The following ST18 variants were observed in gnomAD, a reference collection of about 807,000 sequenced individuals.
ST18 encodes ST18 C2H2C-type zinc finger transcription factor, also known as suppression of tumorigenicity 18 protein.
In ST18, 50 loss-of-function variants were observed where a neutral mutation model predicts 110.0. The ratio of observed to expected loss-of-function variants is 0.45; its 90% CI spans 0.36 to 0.58. ST18 has a LOEUF of 0.58. Ranked by LOEUF, ST18 falls within the 20% of genes least tolerant of loss-of-function variation. ST18 has a pLI of 0.00. For missense variants in ST18, 1,306 were observed against 1,280.1 expected (o/e 1.02, Z -0.31); for synonymous variants, 461 against 452.4 (o/e 1.02, Z -0.24).
At chr8:52,268,646 G>A (rs1480537265) in intron 2 of ST18, among the ~76,000 whole-genome samples, 3 of 152,194 alleles carry the variant, frequency 2.0e-5, no homozygotes, top group Non-Finnish European at 4.4e-5. Flanking sequence ...ATGCACAGAT[G>A]TGTAATAAAT....
At chr8:52,135,745 A>T (rs1402535461) in intron 19 of ST18, among the ~76,000 whole-genome samples, 1 of 152,048 alleles carries the variant, frequency 6.6e-6, no homozygotes, top group Non-Finnish European at 1.5e-5. Context: ...TAGATAAAAA[A>T]ATTTTAAACA....
rs2040553418 is a variant in ST18 at position 52,111,587 on chromosome 8, A to G, written c.*1611T>C. Reference sequence around the variant, plus strand: ...ATTGTTTTTCATTTGTGCAGGTAACAGTAATAACAGTGGAATACATCAAGC... The same window carrying G: ...ATTGTTTTTCATTTGTGCAGGTAACGGTAATAACAGTGGAATACATCAAGC... On this transcript the variant is annotated 3_prime_UTR_variant, in exon 26 of 26. Coordinates refer to ENST00000689386, the MANE Select transcript of ST18 (RefSeq NM_001352837.2). The G allele has an allele frequency of 6.6e-6, 1 of 152,634 alleles. No homozygotes were observed. Among genetic ancestry groups the G allele is most frequent in the Non-Finnish European group, 1.5e-5 (1 of 68,036 alleles). The allele number at this position is 152,634 out of a possible 1,614,324, so 9.5% of individuals were successfully genotyped here.
At chr8:52,288,138 G>A (rs1299683506) in intron 2 of ST18, among the ~76,000 whole-genome samples, 3 of 152,144 alleles carry the variant, frequency 2.0e-5, no homozygotes, top group Non-Finnish European at 4.4e-5. Flanking sequence ...ATTCAGTACT[G>A]CTAGAAGTGT....
At position 52,172,256 on chromosome 8, in the gene ST18, C is replaced by A. The variant is rs779376419; in HGVS notation, c.605G>T (p.Gly202Val). ...TGAGAAGTTGGAGCCACTGTCCCAG[C>A]CATTTTCTGCACTTTCAGAGTTACT... ...NESNSESAENGWDSGSNFSEE... is the reference protein window; with the variant it reads ...NESNSESAENVWDSGSNFSEE... Residue 202 changes from glycine (G) to valine (V), a missense_variant, in exon 10 of 26, where the codon GGC becomes GTC. By Grantham distance (109) the Gly-to-Val change is moderately radical. Coordinates refer to ENST00000689386, the MANE Select transcript of ST18 (RefSeq NM_001352837.2). The A allele has an allele frequency of 1.5e-5, 24 of 1,614,008 alleles. No individual in the cohort carries two copies. The highest frequency in any genetic ancestry group is 1.7e-5 in the Non-Finnish European group (20 of 1,180,038).
chr8:52,184,789 G>T (rs766963236), intron 8 of ST18, among the ~76,000 whole-genome samples: 3 of 152,096 alleles, frequency 2.0e-5, no homozygotes, highest in Non-Finnish European at 2.9e-5. Context: ...AGAATAAAAT[G>T]CAAAAATAAA....
At chr8:52,377,680 G>A (rs1832929976) in intron 2 of ST18, among the ~76,000 whole-genome samples, 1 of 152,162 alleles carries the variant, frequency 6.6e-6, no homozygotes, top group Admixed American at 6.5e-5. Context: ...AACCACTATG[G>A]AGAACAGTGT....
At chr8:52,392,255 G>A (rs1310867551) in intron 2 of ST18, among the ~76,000 whole-genome samples, 1 of 152,140 alleles carries the variant, frequency 6.6e-6, no homozygotes, top group Non-Finnish European at 1.5e-5. Flanking sequence ...ACAAATAGTT[G>A]TTGATGCTGG....
At chr8:52,150,297 T>C (rs570938926) in intron 15 of ST18, among the ~76,000 whole-genome samples, 3 of 152,228 alleles carry the variant, frequency 2.0e-5, no homozygotes, top group Non-Finnish European at 2.9e-5. Flanking sequence ...TATGTGTATA[T>C]ATATACACAT....
chr8:52,312,827 T>A (rs566151410), intron 2 of ST18, among the ~76,000 whole-genome samples: 131 of 152,190 alleles, frequency 8.6e-4, no homozygotes, highest in African/African-American at 3.1e-3. Flanking sequence ...GACCCTATGA[T>A]GTTGGAGGGG....
intron 23 of ST18, among the ~76,000 whole-genome samples, chr8:52,121,848 T>C (rs1431901332): frequency 6.6e-6 from 1 of 152,070 alleles, no homozygotes; most frequent in Non-Finnish European, 1.5e-5. Context: ...ACTAAATTAT[T>C]ATTATTATTA....
chr8:52,336,513 C>A (rs1812151136), intron 2 of ST18, among the ~76,000 whole-genome samples: 1 of 152,172 alleles, frequency 6.6e-6, no homozygotes, highest in Admixed American at 6.5e-5. Flanking sequence ...GGAGCCAGGT[C>A]TACATTTTCT....
intron 8 of ST18, chr8:52,199,677 T>C (rs2077311326): frequency 6.6e-6 from 1 of 152,180 alleles, no homozygotes; most frequent in Non-Finnish European, 1.5e-5. Context: ...CATAGGCAAG[T>C]AGAAGTAAGT....
At chr8:52,146,644 T>A (rs2057388835) in intron 16 of ST18, among the ~76,000 whole-genome samples, 1 of 152,180 alleles carries the variant, frequency 6.6e-6, no homozygotes, top group Non-Finnish European at 1.5e-5. Context: ...TTATCTGTAT[T>A]TTATTGCACG....
chr8:52,172,251 C>T lies in ST18; in HGVS notation c.610G>A (p.Asp204Asn). ...TCTTCTGAGAAGTTGGAGCCACTGT[C>T]CCAGCCATTTTCTGCACTTTCAGAG... ...SNSESAENGWDSGSNFSEETK... is the reference protein window; with the variant it reads ...SNSESAENGWNSGSNFSEETK... The change falls in exon 10 of 26, where the codon GAC becomes AAC. Residue 204 changes from aspartate (D) to asparagine (N), a missense_variant. Asp to Asn is a conservative substitution (Grantham distance 23). Transcript: ENST00000689386. 6.2e-7 allele frequency: 1 copy of T among 1,614,186 alleles called. No individual in the cohort carries two copies. The highest frequency in any genetic ancestry group is 2.2e-5 in the East Asian group (1 of 44,882).
chr8:52,270,158 TTTC>T lies in ST18; in HGVS notation c.-464-40084_-464-40082del, dbSNP rs2095026442. On this transcript the variant is annotated intron_variant, in intron 2 of 25. Coordinates refer to ENST00000689386, the MANE Select transcript of ST18 (RefSeq NM_001352837.2). ...AGAATTTCTCTCATGGGAAAATGTTTTTCTTCTTTTATATTGTTGTGAATATAT... is the reference window on the plus strand; with the variant it reads ...AGAATTTCTCTCATGGGAAAATGTTTTTCTTTTATATTGTTGTGAATATAT... Among the ~76,000 whole-genome samples the T allele has an allele frequency of 2.6e-5, 4 of 152,250 alleles. No individual in the cohort carries two copies. In the South Asian group the frequency reaches 8.3e-4, roughly 31 times the overall value.
At chr8:52,123,730 T>C (rs2045916380) in intron 23 of ST18, among the ~76,000 whole-genome samples, 1 of 152,202 alleles carries the variant, frequency 6.6e-6, no homozygotes, top group African/African-American at 2.4e-5. Context: ...CTTTGAAGTG[T>C]ATGTGCTCAG....
intron 2 of ST18, among the ~76,000 whole-genome samples, chr8:52,239,821 T>A (rs1013430528): frequency 6.6e-6 from 1 of 151,930 alleles, no homozygotes; most frequent in East Asian, 1.9e-4. Context: ...TTGAGACAGG[T>A]CTCACTCTGT....
intron 2 of ST18, among the ~76,000 whole-genome samples, chr8:52,388,858 T>C (rs1405796184): frequency 8.8e-5 from 13 of 147,652 alleles, no homozygotes; most frequent in Non-Finnish European, 1.5e-4. Flanking sequence ...GAGATATACC[T>C]AATGCTAAAT....
intron 12 of ST18, 113 bp from the exon 13 acceptor site, chr8:52,164,203 GT>G: frequency 2.3e-6 from 2 of 880,008 alleles, no homozygotes; most frequent in Non-Finnish European, 3.7e-6. Context: ...CATATTAATA[GT>G]TCACTTAGCA....
Sources: gnomAD v4.1 joint callset for allele counts (sites outside exome capture counted in the v4.1 genomes callset) on GRCh38, gnomAD v4.1.1 for gene constraint, MANE v1.5 for transcripts, NCBI Gene and HGNC (gene_info 2026-07-23, HGNC 2026-07-21) for gene names.